ZBTB7C: variants seen among roughly 807,000 people sequenced by gnomAD.
ZBTB7C encodes zinc finger and BTB domain containing 7C, also known as zinc finger and BTB domain-containing protein 7C.
A neutral mutation model predicts 25.7 loss-of-function variants in ZBTB7C; 8 were observed. The observed-to-expected ratio is 0.31, with a 90% CI of 0.18 to 0.56. The LOEUF is 0.56. ZBTB7C is among the 20% of genes least tolerant of loss of function. The probability of loss-of-function intolerance (pLI) is 0.91; values close to 1 mark genes in which losing one functional copy is unlikely to be tolerated. For synonymous variants in ZBTB7C, 394 were observed against 369.0 expected, an observed-to-expected ratio of 1.07 and a Z score of -0.78; for missense variants, 824 against 855.2, an observed-to-expected ratio of 0.96 and a Z score of 0.46.
chr18:48,278,829 C>T (rs889656639), intron 2 of ZBTB7C, among the ~76,000 whole-genome samples: 8 of 152,282 alleles, frequency 5.3e-5, no homozygotes, highest in African/African-American at 1.4e-4. Context: ...ACCGAAACAC[C>T]GCCTAACTGC....
chr18:48,360,961 T>C (rs1374999012), intron 1 of ZBTB7C, among the ~76,000 whole-genome samples: 4 of 151,856 alleles, frequency 2.6e-5, no homozygotes, highest in Non-Finnish European at 4.4e-5. Flanking sequence ...GTGTGTTTTG[T>C]TTTTCCTGGG....
At chr18:48,049,064 T>C (rs909186881) in intron 3 of ZBTB7C, among the ~76,000 whole-genome samples, 1 of 152,176 alleles carries the variant, frequency 6.6e-6, no homozygotes, top group Non-Finnish European at 1.5e-5. Flanking sequence ...GAGTTATTTA[T>C]AGCCTACTGC....
intron 2 of ZBTB7C, among the ~76,000 whole-genome samples, chr18:48,326,389 C>A (rs1317420760): frequency 6.6e-6 from 1 of 152,140 alleles, no homozygotes; most frequent in African/African-American, 2.4e-5. Flanking sequence ...AGTCACCATG[C>A]CCGGCCTCTA....
chr18:48,286,985 AG>A (rs1319198821), intron 2 of ZBTB7C, among the ~76,000 whole-genome samples: 3 of 152,140 alleles, frequency 2.0e-5, no homozygotes, highest in Non-Finnish European at 4.4e-5. Flanking sequence ...CAGAAGGCAA[AG>A]GTTGCAGGAA....
chr18:48,400,886 G>C (rs543101179), intron 1 of ZBTB7C, among the ~76,000 whole-genome samples: 59 of 152,210 alleles, frequency 3.9e-4, no homozygotes, highest in Non-Finnish European at 7.1e-4. Flanking sequence ...TCAGCTCCCA[G>C]TCAGCAGAAC....
chr18:48,099,765 C>A (rs951580496), intron 3 of ZBTB7C, among the ~76,000 whole-genome samples: 2 of 152,220 alleles, frequency 1.3e-5, no homozygotes, highest in African/African-American at 4.8e-5. Context: ...CCCATCCATC[C>A]CCAGGCGGCT....
chr18:48,040,699 C>T lies in ZBTB7C; in HGVS notation c.409G>A (p.Asp137Asn), dbSNP rs1440283673. Residue 137 changes from aspartate (D) to asparagine (N), a missense_variant, in exon 4 of 5, where the codon GAT becomes AAT. Physicochemically the swap from Asp to Asn is conservative, Grantham distance 23. Transcript: ENST00000590800. The stretch of plus-strand genomic sequence containing the variant: ...TCGTCGTCATCGTCCTCCTTGTCAT[C>T]CTCCTCCCCCCCGTCCCCCCCAGGC... ...MEPGGDGGEE[D>N]DKEDDDDDED... is the part of the protein sequence containing the mutation. 1 of 1,613,952 alleles carries T rather than the reference C, an allele frequency of 6.2e-7. No homozygotes were observed. Among genetic ancestry groups the T allele is most frequent in the East Asian group, 2.2e-5 (1 of 44,846 alleles).
chr18:48,352,290 G>C (rs1194991125), intron 1 of ZBTB7C, among the ~76,000 whole-genome samples: 1 of 152,246 alleles, frequency 6.6e-6, no homozygotes, highest in Non-Finnish European at 1.5e-5. Context: ...TCAGGGAACA[G>C]AGTGACTACC....
At chr18:48,180,302 T>C (rs2041879884) in intron 3 of ZBTB7C, 1 of 456,434 alleles carries the variant, frequency 2.2e-6, no homozygotes, top group Non-Finnish European at 4.4e-6. Context: ...GACCTTCTTG[T>C]TGATAAATGT....
chr18:48,115,860 C>G (rs757892196), intron 3 of ZBTB7C, among the ~76,000 whole-genome samples: 67 of 151,948 alleles, frequency 4.4e-4, no homozygotes, highest in Non-Finnish European at 8.5e-4. Flanking sequence ...GGAATCTGCT[C>G]ACATAATTCA....
chr18:48,321,235 G>A (rs1875564628), intron 2 of ZBTB7C, among the ~76,000 whole-genome samples: 2 of 152,262 alleles, frequency 1.3e-5, no homozygotes, highest in South Asian at 2.1e-4. Context: ...CTCCCTTGTG[G>A]GTGTGTCATG....
At chr18:48,240,942 G>A (rs1009065654) in intron 2 of ZBTB7C, among the ~76,000 whole-genome samples, 4 of 152,112 alleles carry the variant, frequency 2.6e-5, no homozygotes, top group Non-Finnish European at 4.4e-5. Flanking sequence ...AGTATCTGCT[G>A]TCTTCAAGAG....
chr18:48,406,996 T>C (rs2145339664), intron 1 of ZBTB7C, among the ~76,000 whole-genome samples: 1 of 152,386 alleles, frequency 6.6e-6, no homozygotes, highest in South Asian at 2.1e-4. Flanking sequence ...AGTTCTTTTT[T>C]AATTTAGACA....
chr18:48,245,265 C>A (rs1003470826), intron 2 of ZBTB7C, among the ~76,000 whole-genome samples: 1 of 150,840 alleles, frequency 6.6e-6, no homozygotes, highest in Admixed American at 6.6e-5. Flanking sequence ...TAAGTGGAAG[C>A]TAAGCTATGA....
At chr18:48,348,152 C>A (rs1424058858) in intron 1 of ZBTB7C, among the ~76,000 whole-genome samples, 1 of 152,230 alleles carries the variant, frequency 6.6e-6, no homozygotes, top group Non-Finnish European at 1.5e-5. Context: ...CCTACTTCCA[C>A]TTTGCCACCT....
At chr18:48,044,937 G>A (rs919157102) in intron 3 of ZBTB7C, among the ~76,000 whole-genome samples, 2 of 152,240 alleles carry the variant, frequency 1.3e-5, no homozygotes, top group Admixed American at 1.3e-4. Context: ...GATACACAGA[G>A]GATGAGTGAG....
intron 2 of ZBTB7C, among the ~76,000 whole-genome samples, chr18:48,255,773 G>C (rs1599202355): frequency 6.6e-6 from 1 of 152,220 alleles, no homozygotes; most frequent in East Asian, 1.9e-4. Flanking sequence ...ATTCTAGATT[G>C]AAAATAAAAG....
In ZBTB7C at chr18:48,040,471, C is replaced by A; in HGVS notation, c.637G>T (p.Ala213Ser). 2 of 1,608,930 alleles carry A rather than the reference C, an allele frequency of 1.2e-6. No homozygotes were observed. The highest frequency in any genetic ancestry group is 8.5e-7 in the Non-Finnish European group (1 of 1,177,208). ...TPRDFPDSFQ[A>S]GSPGHLGVIR... The stretch of plus-strand genomic sequence containing the variant: ...ACCCCCAGATGGCCAGGACTGCCAG[C>A]CTGGAAGGAGTCAGGGAAGTCCCTG... The change falls in exon 4 of 5, where the codon GCT becomes TCT. Residue 213 changes from alanine to serine, a missense_variant. Physicochemically the swap from Ala to Ser is moderately conservative, Grantham distance 99. Around this residue, in one of 4 missense-constraint regions of ZBTB7C, gnomAD observed 316 missense variants for 299.2 expected, o/e 1.06. Coordinates refer to ENST00000590800, the MANE Select transcript of ZBTB7C (RefSeq NM_001318841.2).
intron 3 of ZBTB7C, among the ~76,000 whole-genome samples, chr18:48,047,085 G>A (rs1376317555): frequency 1.3e-5 from 2 of 152,142 alleles, no homozygotes; most frequent in South Asian, 2.1e-4. Context: ...GATTGGGAGG[G>A]GTGAGCTGCG....
Sources: gnomAD v4.1 joint callset for allele counts (sites outside exome capture counted in the v4.1 genomes callset) on GRCh38, gnomAD v4.1.1 for gene constraint, gnomAD v4.1.1 regional missense constraint, MANE v1.5 for transcripts, NCBI Gene and HGNC (gene_info 2026-07-23, HGNC 2026-07-21) for gene names.